The following TRDN variants were observed in gnomAD, a reference collection of about 807,000 sequenced individuals.
TRDN encodes triadin in skeletal muscle.
In TRDN, 161 loss-of-function variants were observed where a neutral mutation model predicts 149.7. The observed-to-expected ratio is 1.08, with a 90% confidence interval of 0.95 to 1.23. TRDN has a LOEUF of 1.23. Ranked by LOEUF, TRDN falls within the 50% of genes most tolerant of loss-of-function variation. The probability of loss-of-function intolerance (pLI) is 0.00; values close to 1 mark genes in which losing one functional copy is unlikely to be tolerated. For missense variants in TRDN, 896 were observed against 823.5 expected (o/e 1.09, Z -1.08); for synonymous variants, 294 against 250.5 (o/e 1.17, Z -1.64).
chr6:123,306,832 T>G (rs9285451), intron 24 of TRDN, among the ~76,000 whole-genome samples: 27,263 of 151,958 alleles, frequency 0.18, 3,250 homozygotes, highest in East Asian at 0.58. Flanking sequence ...AAAATTGTCT[T>G]TATATCTTTA....
chr6:123,544,171 G>A lies in TRDN; in HGVS notation c.424+3169C>T, dbSNP rs181040488. ...TATTTTACAGTTAGAATGAGACAGC[G>A]TTCATCAATAAATCTAACCCTATAT... On this transcript the variant is annotated intron_variant, in intron 4 of 40. Transcript: ENST00000334268. 9.6e-4 allele frequency among the ~76,000 whole-genome samples: 146 copies of A among 151,668 alleles called. No individual in the cohort carries two copies. In the East Asian group the frequency reaches 0.01, roughly 11 times the overall value.
intron 20 of TRDN, among the ~76,000 whole-genome samples, 169 bp downstream of exon 20, chr6:123,365,966 T>C (rs1258026737): frequency 6.6e-6 from 1 of 152,178 alleles, no homozygotes; most frequent in Non-Finnish European, 1.5e-5. Context: ...AACTATAGGC[T>C]TTAGAACAGT....
intron 9 of TRDN, among the ~76,000 whole-genome samples, chr6:123,491,354 A>C (rs1326109398): frequency 1.3e-5 from 2 of 152,150 alleles, no homozygotes; most frequent in African/African-American, 2.4e-5. Context: ...AATACACTGA[A>C]GGCTCATAGA....
chr6:123,446,247 G>T (rs896402989), intron 10 of TRDN, among the ~76,000 whole-genome samples: 6 of 151,056 alleles, frequency 4.0e-5, no homozygotes, highest in East Asian at 2.0e-4. Flanking sequence ...GGGGTGGGGG[G>T]AGTGGGGAGG....
intron 14 of TRDN, among the ~76,000 whole-genome samples, chr6:123,386,799 G>A (rs939524685): frequency 6.6e-6 from 1 of 152,110 alleles, no homozygotes; most frequent in African/African-American, 2.4e-5. Flanking sequence ...TTTTGTTTGG[G>A]CTTCATCCTT....
At chr6:123,560,475 G>A (rs917173869) in intron 2 of TRDN, among the ~76,000 whole-genome samples, 6 of 152,082 alleles carry the variant, frequency 3.9e-5, no homozygotes, top group Admixed American at 3.9e-4. Context: ...TACTTCCAAA[G>A]GAAGCTGGAG....
At chr6:123,563,966 G>A (rs1424723083) in intron 2 of TRDN, among the ~76,000 whole-genome samples, 1 of 152,044 alleles carries the variant, frequency 6.6e-6, no homozygotes, top group African/African-American at 2.4e-5. Flanking sequence ...AACAATATCC[G>A]GTTTTACCAC....
chr6:123,615,431 A>G (rs1479759489), intron 1 of TRDN, among the ~76,000 whole-genome samples: 2 of 152,022 alleles, frequency 1.3e-5, no homozygotes, highest in African/African-American at 4.8e-5. Flanking sequence ...AAGAAAGCAA[A>G]TGTGGTGTAT....
intron 1 of TRDN, among the ~76,000 whole-genome samples, chr6:123,625,445 T>A (rs908210780): frequency 6.6e-6 from 1 of 152,136 alleles, no homozygotes; most frequent in Non-Finnish European, 1.5e-5. Flanking sequence ...TAAAAAGCAG[T>A]GTAAGACCTT....
intron 2 of TRDN, among the ~76,000 whole-genome samples, chr6:123,557,642 T>C (rs1243539839): frequency 3.3e-5 from 5 of 152,128 alleles, no homozygotes; most frequent in Non-Finnish European, 5.9e-5. Flanking sequence ...CGGGGACAAC[T>C]GCCTGATTAT....
intron 10 of TRDN, among the ~76,000 whole-genome samples, chr6:123,457,380 G>A (rs1776188982): frequency 6.6e-6 from 1 of 152,146 alleles, no homozygotes; most frequent in South Asian, 2.1e-4. Flanking sequence ...TTATGGATAG[G>A]ACAGTGAGAA....
In TRDN at chr6:123,582,500, G is replaced by C. The variant is rs545819854; in HGVS notation, c.23-11368C>G. Among the ~76,000 whole-genome samples, 4 of 137,436 alleles carry C rather than the reference G, an allele frequency of 2.9e-5. 1 individual carries two copies. In the South Asian group the frequency reaches 1.0e-3, roughly 35 times the overall value. The allele number at this position is 137,436 out of a possible 152,430, so 90.2% of individuals were successfully genotyped here. On this transcript the variant is annotated intron_variant, in intron 1 of 40. Transcript: ENST00000334268. The stretch of plus-strand genomic sequence containing the variant: ...TTGGGTAGGTAAAGGAAAAAGGGGG[G>C]TTGTTCTCTGGCAGGCAGGAGTGGG...
In TRDN at chr6:123,571,053, C is replaced by T. The variant is rs1237423012; in HGVS notation, c.102G>A (p.Arg34=). 4 of 1,613,858 alleles carry T rather than the reference C, an allele frequency of 2.5e-6. No individual in the cohort carries two copies. Residue 34 remains arginine, a synonymous_variant, in exon 2 of 41, where the codon AGG becomes AGA. Transcript: ENST00000334268. Reference sequence around the variant, plus strand: ...TCGTCACTATGTCTTCTGTGACTGTCCTCTTCAGCACTTTTCCGGGGGATT... The same window carrying T: ...TCGTCACTATGTCTTCTGTGACTGTTCTCTTCAGCACTTTTCCGGGGGATT... ...VPKSPGKVLK[R]TVTEDIVTTF...
At chr6:123,581,817 TCAAA>T (rs1783135636) in intron 1 of TRDN, among the ~76,000 whole-genome samples, 1 of 152,172 alleles carries the variant, frequency 6.6e-6, no homozygotes, top group Non-Finnish European at 1.5e-5. Flanking sequence ...ATGCCAATCA[TCAAA>T]CAGAGAAAAC....
chr6:123,608,344 G>A (rs1784617328), intron 1 of TRDN, among the ~76,000 whole-genome samples: 1 of 152,040 alleles, frequency 6.6e-6, no homozygotes, highest in Non-Finnish European at 1.5e-5. Flanking sequence ...ATTCTATCCT[G>A]ATCCCAGCAC....
chr6:123,250,301 T>C (rs1387332188), intron 38 of TRDN, among the ~76,000 whole-genome samples: 1 of 151,856 alleles, frequency 6.6e-6, no homozygotes, highest in Non-Finnish European at 1.5e-5. Context: ...AAGAGAGTGA[T>C]GGCCACAAAG....
chr6:123,283,345 A>G (rs1777669430), intron 24 of TRDN, among the ~76,000 whole-genome samples: 1 of 151,900 alleles, frequency 6.6e-6, no homozygotes, highest in Admixed American at 6.6e-5. Flanking sequence ...CATAGCCTTA[A>G]ATGCCTACAT....
intron 24 of TRDN, among the ~76,000 whole-genome samples, chr6:123,296,636 G>A (rs1028119507): frequency 6.7e-5 from 10 of 149,618 alleles, no homozygotes; most frequent in Admixed American, 2.7e-4. Context: ...GTTCACAAAC[G>A]TTCTTTTTTC....
chr6:123,247,303 C>CAA (rs1462737424), intron 38 of TRDN, among the ~76,000 whole-genome samples: 1 of 152,160 alleles, frequency 6.6e-6, no homozygotes, highest in Non-Finnish European at 1.5e-5. Context: ...GAGAAGAAGT[C>CAA]AAATTGTCTC....
Sources: allele counts gnomAD v4.1 joint callset (sites outside exome capture counted in the v4.1 genomes callset), GRCh38; gene constraint gnomAD v4.1.1; transcripts MANE v1.5; gene names NCBI Gene and HGNC (gene_info 2026-07-23, HGNC 2026-07-21).